LRWD1: variants seen among roughly 807,000 people sequenced by gnomAD.
LRWD1 encodes the protein leucine-rich repeat and WD repeat-containing protein 1.
A neutral mutation model predicts 75.6 loss-of-function variants in LRWD1; 76 were observed. That is an observed-to-expected ratio of 1.01 (90% CI 0.84 to 1.22). The LOEUF (loss-of-function observed/expected upper bound fraction) is 1.22. Ranked by LOEUF, LRWD1 falls within the 50% of genes most tolerant of loss-of-function variation. The probability of loss-of-function intolerance (pLI) is 0.00; values close to 1 mark genes in which losing one functional copy is unlikely to be tolerated. For missense variants in LRWD1, 917 were observed against 862.0 expected (o/e 1.06, Z -0.80); for synonymous variants, 487 against 377.0 (o/e 1.29, Z -3.38).
rs1798077833 is a variant in LRWD1 at position 102,468,337 on chromosome 7, C to G, written c.879C>G (p.Thr293=). The G allele has an allele frequency of 6.2e-7, 1 of 1,612,238 alleles. No individual in the cohort carries two copies. Among genetic ancestry groups the G allele is most frequent in the African/African-American group, 1.3e-5 (1 of 74,908 alleles). Residue 293 remains threonine (T), a synonymous_variant, in exon 7 of 15, where the codon ACC becomes ACG. Coordinates refer to ENST00000292616, the MANE Select transcript of LRWD1 (RefSeq NM_152892.3). ...ACAACAGCCCCCAGGACCTCGAGAC[C>G]CAGCTGTGGGCCTGTGCCTTCGAGC... ...SKNNSPQDLE[T]QLWACAFEPA... is the part of the protein sequence containing the mutation.
In LRWD1 at chr7:102,468,515, T is replaced by C. The variant is rs923766974; in HGVS notation, c.920-39T>C. 4 of 1,552,134 alleles carry C rather than the reference T, an allele frequency of 2.6e-6. No individual in the cohort carries two copies. In the African/African-American group the frequency reaches 5.5e-5, roughly 21 times the overall value. The stretch of plus-strand genomic sequence containing the variant: ...CTGCAGGGAGGACCTAGATGGGAAA[T>C]GTCTCTGCTCATCCGACCTCTCAAA... On this transcript the variant is annotated intron_variant, in intron 7 of 14. Coordinates refer to ENST00000292616, the MANE Select transcript of LRWD1 (RefSeq NM_152892.3).
At position 102,468,094 on chromosome 7, in the gene LRWD1, C is replaced by T. The variant is rs771146660; in HGVS notation, c.711C>T (p.Asp237=). ...ARLAALKRPD[D]VPLSLSPSKR... is the part of the protein sequence containing the mutation. ...TGGCGGCCTTGAAACGGCCAGACGA[C>T]GTCCCACTCAGCCTCTCTCCCAGCA... Residue 237 remains aspartate (D), a synonymous_variant, in exon 6 of 15, where the codon GAC becomes GAT. Transcript: ENST00000292616. The T allele has an allele frequency of 6.2e-6, 10 of 1,609,510 alleles. No homozygotes were observed. The highest frequency in any genetic ancestry group is 4.4e-5 in the South Asian group (4 of 90,810).
intron 8 of LRWD1, 58 bp from the exon 9 acceptor site, chr7:102,468,797 C>T: frequency 6.3e-7 from 1 of 1,582,714 alleles, no homozygotes; most frequent in Non-Finnish European, 8.6e-7. Context: ...CCCGGGCTAC[C>T]CGCGTGTTCA....
In LRWD1 at chr7:102,468,363, C is replaced by T. The variant is rs766967262; in HGVS notation, c.905C>T (p.Pro302Leu). The T allele has an allele frequency of 1.2e-5, 20 of 1,608,172 alleles. No homozygotes were observed. Among genetic ancestry groups the T allele is most frequent in the South Asian group, 2.2e-5 (2 of 89,916 alleles). ...CAGCTGTGGGCCTGTGCCTTCGAGC[C>T]GGCCTGGGAGGAGGGTACATGGTGG... ...ETQLWACAFE[P>L]AWEEGATSQT... The change falls in exon 7 of 15, where the codon CCG (proline) becomes CTG (leucine). Residue 302 changes from proline to leucine, a missense_variant. Transcript: ENST00000292616.
chr7:102,471,740 TC>T (rs1798194084), intron 11 of LRWD1: 2 of 182,574 alleles, frequency 1.1e-5, no homozygotes, highest in African/African-American at 4.9e-5. Flanking sequence ...ATTCCCTCAT[TC>T]CCCCATTCCC....
chr7:102,467,171 G>GGTGTGTGTGTGT (rs1209487514), intron 3 of LRWD1, among the ~76,000 whole-genome samples, 168 bp from the exon 4 acceptor site: 16 of 99,146 alleles, frequency 1.6e-4, no homozygotes, highest in South Asian at 3.4e-4. Flanking sequence ...GTGTGTGTGG[G>GGTGTGTGTGTGT]GTGTGTGTGT....
In LRWD1 at chr7:102,469,065, A is replaced by G. The variant is rs770996144; in HGVS notation, c.1228+3A>G. ...CGCCCACGAGACCCATCTCTTCAGT[A>G]AGCCCCTCCCCTTCACCCCTGGGAC... On this transcript the variant is annotated splice_donor_region_variant and intron_variant, in intron 9 of 14. Transcript: ENST00000292616. 15 of 1,596,394 alleles carry G rather than the reference A, an allele frequency of 9.4e-6. No homozygotes were observed. Among genetic ancestry groups the G allele is most frequent in the African/African-American group, 1.3e-5 (1 of 74,174 alleles).
chr7:102,468,790 G>A (rs1471592597), intron 8 of LRWD1, 65 bp from the exon 9 acceptor site: 57 of 1,572,784 alleles, frequency 3.6e-5, no homozygotes, highest in South Asian at 5.7e-5. Flanking sequence ...CCCCAGGCCC[G>A]GGCTACCCGC....
intron 12 of LRWD1, 26 bp downstream of exon 12, chr7:102,472,335 G>A (rs1316585271): frequency 6.4e-7 from 1 of 1,557,734 alleles, no homozygotes. Flanking sequence ...TTGTGGGACA[G>A]CCTGGCCTCC....
rs1218934500 is a variant in LRWD1, at chr7:102,468,637, T to G, written c.1003T>G (p.Tyr335Asp). The change falls in exon 8 of 15, where the codon TAC becomes GAC. Residue 335 changes from tyrosine to aspartate, a missense_variant. By Grantham distance (160) the Tyr-to-Asp change is radical (BLOSUM62 -3). Coordinates refer to ENST00000292616, the MANE Select transcript of LRWD1 (RefSeq NM_152892.3). The stretch of plus-strand genomic sequence containing the variant: ...CCAGACGGGCATCGTGCTCCACAAG[T>G]ACAAGGCACCCGGCGAGGTGAGTGC... The part of the protein sequence containing the change: ...DCQTGIVLHK[Y>D]KAPGEEFFSV... The G allele has an allele frequency of 6.4e-7, 1 of 1,570,980 alleles. No homozygotes were observed. The highest frequency in any genetic ancestry group is 8.6e-7 in the Non-Finnish European group (1 of 1,158,000).
At chr7:102,469,549 C>G (rs1335864299) in intron 9 of LRWD1, 25 bp from the exon 10 acceptor site, 2 of 1,613,424 alleles carry the variant, frequency 1.2e-6, no homozygotes, top group African/African-American at 2.7e-5. Flanking sequence ...AGGGCCACTT[C>G]TCCCCTACCC....
intron 1 of LRWD1, 144 bp downstream of exon 1, chr7:102,465,304 A>G: frequency 1.2e-6 from 1 of 858,404 alleles, no homozygotes; most frequent in Non-Finnish European, 1.6e-6. Flanking sequence ...TTGTTGGGAG[A>G]TCGTGGCCCC....
chr7:102,468,409 C>T (rs777550601), intron 7 of LRWD1, 32 bp downstream of exon 7: 36 of 1,569,852 alleles, frequency 2.3e-5, no homozygotes, highest in South Asian at 1.3e-4. Context: ...GGGCAAGGGC[C>T]GCTGGAAATA....
In LRWD1 at chr7:102,468,627, G is replaced by A. The variant is rs1481225361; in HGVS notation, c.993G>A (p.Val331=). ...TAATTGATTGCCAGACGGGCATCGT[G>A]CTCCACAAGTACAAGGCACCCGGCG... ...VCVIDCQTGI[V]LHKYKAPGEE... Residue 331 remains valine (V), a synonymous_variant, in exon 8 of 15, where the codon GTG becomes GTA. Coordinates refer to ENST00000292616, the MANE Select transcript of LRWD1 (RefSeq NM_152892.3). 2 of 1,574,546 alleles carry A rather than the reference G, an allele frequency of 1.3e-6. No individual in the cohort carries two copies. Among genetic ancestry groups the A allele is most frequent in the Non-Finnish European group, 1.7e-6 (2 of 1,159,902 alleles).
intron 1 of LRWD1, chr7:102,465,523 T>TTTTTTTTTTTTTTTTTTTTTTTTTTTTTG (rs1797940910): frequency 8.8e-6 from 1 of 113,526 alleles, no homozygotes; most frequent in African/African-American, 3.5e-5. Flanking sequence ...TTTTTTTTTT[T>TTTTTTTTTTTTTTTTTTTTTTTTTTTTTG]TTGTTAAGTG....
intron 4 of LRWD1, 38 bp from the exon 5 acceptor site, chr7:102,467,681 G>GC: frequency 6.5e-7 from 1 of 1,544,446 alleles, no homozygotes; most frequent in Non-Finnish European, 8.8e-7. Context: ...GGGCACCTGG[G>GC]ACTCTGCCCA....
At chr7:102,472,146 C>T in intron 11 of LRWD1, 72 bp from the exon 12 acceptor site, 3 of 1,387,732 alleles carry the variant, frequency 2.2e-6, no homozygotes, top group Non-Finnish European at 3.0e-6. Flanking sequence ...AGGTGCGCTG[C>T]AGATGCCTGG....
rs1798068451 is a variant in LRWD1 at position 102,468,108 on chromosome 7, T to G, written c.725T>G (p.Leu242Arg). The G allele has an allele frequency of 6.2e-7, 1 of 1,610,458 alleles. No individual in the cohort carries two copies. The highest frequency in any genetic ancestry group is 2.2e-5 in the East Asian group (1 of 44,824). ...LKRPDDVPLS[L>R]SPSKRACASP... ...CGGCCAGACGACGTCCCACTCAGCC[T>G]CTCTCCCAGCAAGCGGGCGTGTGCC... is the stretch of plus-strand genomic sequence containing the variant. Residue 242 changes from leucine to arginine, a missense_variant, in exon 6 of 15, where the codon CTC becomes CGC. Leu to Arg is a moderately radical substitution (Grantham distance 102, BLOSUM62 -2). Transcript: ENST00000292616.
chr7:102,469,924 A>G, intron 11 of LRWD1, 42 bp downstream of exon 11: 1 of 1,465,340 alleles, frequency 6.8e-7, no homozygotes, highest in South Asian at 1.4e-5. Flanking sequence ...AGGCCTCTGC[A>G]GAGGGTGGCT....
Sources: gnomAD v4.1 joint callset for allele counts (sites outside exome capture counted in the v4.1 genomes callset) on GRCh38, gnomAD v4.1.1 for gene constraint, MANE v1.5 for transcripts, NCBI Gene and HGNC (gene_info 2026-07-23, HGNC 2026-07-21) for gene names.